Variants in TMEM43 observed in about 807,000 individuals in gnomAD.
TMEM43 encodes the protein arrhythmogenic right ventricular dysplasia 5.
In TMEM43, 45 loss-of-function variants were observed where a neutral mutation model predicts 49.6. The ratio of observed to expected loss-of-function variants is 0.91; its 90% confidence interval spans 0.71 to 1.16. TMEM43 has a LOEUF of 1.16. Among genes scored for constraint, TMEM43 ranks in the 50% most tolerant of loss-of-function variants. The pLI is 0.00. For missense variants in TMEM43, 532 were observed against 516.6 expected (o/e 1.03, Z -0.29); for synonymous variants, 199 against 207.8 (o/e 0.96, Z 0.36).
chr3:14,127,545 A>G (rs1695036231), intron 1 of TMEM43, among the ~76,000 whole-genome samples: 2 of 152,192 alleles, frequency 1.3e-5, no homozygotes, highest in Admixed American at 1.3e-4. Flanking sequence ...TCTTCCTCTT[A>G]GAAGCTGTGT....
chr3:14,130,319 C>G (rs1350266161), intron 2 of TMEM43, among the ~76,000 whole-genome samples: 2 of 151,998 alleles, frequency 1.3e-5, no homozygotes, highest in African/African-American at 4.8e-5. Context: ...CAGATAGACT[C>G]AGGTAAACCA....
At chr3:14,134,597 T>C (rs1201060482) in intron 7 of TMEM43, among the ~76,000 whole-genome samples, 173 bp from the exon 8 acceptor site, 2 of 152,138 alleles carry the variant, frequency 1.3e-5, no homozygotes, top group Admixed American at 6.5e-5. Flanking sequence ...CTGGAGGAGA[T>C]GGTCTAACCC....
Position 14,141,788 on chromosome 3 carries a change from T to G in TMEM43, c.1196T>G (p.Leu399Trp), listed in dbSNP as rs1559363776. The change falls in exon 12 of 12, where the codon TTG becomes TGG. Residue 399 changes from leucine (L) to tryptophan (W), a missense_variant. Leu to Trp is a moderately conservative substitution (Grantham distance 61). Transcript: ENST00000306077. ...CGGACACGGGTGCCAGCCAAAAAGT[T>G]GGAGTGAAAAGACCCTGGCACCCGC... ...VARTRVPAKK[L>W]E The G allele has an allele frequency of 6.2e-7, 1 of 1,613,364 alleles. No individual in the cohort carries two copies.
intron 1 of TMEM43, 53 bp from the exon 2 acceptor site, chr3:14,129,359 T>C: frequency 7.2e-7 from 1 of 1,386,940 alleles, no homozygotes; most frequent in Non-Finnish European, 9.8e-7. Flanking sequence ...ATAGCAAATT[T>C]AATTTATTTT....
At chr3:14,139,134 G>A (rs746949876) in intron 10 of TMEM43, 46 bp from the exon 11 acceptor site, 19 of 1,420,312 alleles carry the variant, frequency 1.3e-5, no homozygotes, top group East Asian at 2.3e-5. Context: ...GACTGGGTAC[G>A]CCACTGGCCC....
intron 2 of TMEM43, 87 bp from the exon 3 acceptor site, chr3:14,130,735 C>G: frequency 6.6e-7 from 1 of 1,515,238 alleles, no homozygotes; most frequent in Non-Finnish European, 8.9e-7. Flanking sequence ...TCCCGGAGGC[C>G]CCATCCTACC....
chr3:14,140,668 T>C (rs993158273), intron 11 of TMEM43, among the ~76,000 whole-genome samples: 2 of 152,284 alleles, frequency 1.3e-5, no homozygotes, highest in Admixed American at 6.5e-5. Flanking sequence ...AGTGACCCTG[T>C]GGGTAAAATG....
chr3:14,128,489 CCTT>C (rs1457531037), intron 1 of TMEM43, among the ~76,000 whole-genome samples: 1 of 152,182 alleles, frequency 6.6e-6, no homozygotes, highest in Admixed American at 6.5e-5. Flanking sequence ...AAGGGAGCCT[CCTT>C]GATACCCCAG....
At chr3:14,131,922 C>G (rs991166607) in intron 4 of TMEM43, among the ~76,000 whole-genome samples, 1 of 152,198 alleles carries the variant, frequency 6.6e-6, no homozygotes, top group Non-Finnish European at 1.5e-5. Flanking sequence ...TCCAGAGATG[C>G]ACAAGCTTGA....
intron 1 of TMEM43, chr3:14,129,113 C>T (rs140043814): frequency 9.9e-6 from 4 of 403,062 alleles, no homozygotes; most frequent in Admixed American, 3.1e-5. Context: ...TCAGATTCTC[C>T]CCATCCCCAC....
chr3:14,125,321 C>T, intron 1 of TMEM43, 116 bp downstream of exon 1: 8 of 1,270,332 alleles, frequency 6.3e-6, no homozygotes, highest in Non-Finnish European at 6.6e-6. Flanking sequence ...CGGCTAGGCC[C>T]GCATCTCCCT....
chr3:14,132,161 C>T (rs1001051157), intron 4 of TMEM43, among the ~76,000 whole-genome samples: 7 of 152,204 alleles, frequency 4.6e-5, no homozygotes, highest in Admixed American at 2.0e-4. Flanking sequence ...ATCATATGGA[C>T]TGTGACCGAC....
At chr3:14,136,068 C>T (rs995417361) in intron 10 of TMEM43, 160 bp downstream of exon 10, 1 of 746,506 alleles carries the variant, frequency 1.3e-6, no homozygotes, top group African/African-American at 1.7e-5. Flanking sequence ...AAGTGTTTGA[C>T]CAGGAGTGTT....
intron 10 of TMEM43, chr3:14,138,065 C>T (rs1330251681): frequency 2.6e-5 from 4 of 152,146 alleles, no homozygotes; most frequent in South Asian, 2.1e-4. Context: ...ATAAATGTGA[C>T]CTGTTTTTGT....
At chr3:14,133,701 ACC>A (rs1264821987) in intron 6 of TMEM43, 36 bp from the exon 7 acceptor site, 6 of 1,603,114 alleles carry the variant, frequency 3.7e-6, no homozygotes, top group Non-Finnish European at 4.3e-6. Context: ...CAGCTCCCAC[ACC>A]GGTGCCCATC....
At chr3:14,128,014 C>G (rs1206000702) in intron 1 of TMEM43, among the ~76,000 whole-genome samples, 1 of 152,150 alleles carries the variant, frequency 6.6e-6, no homozygotes, top group African/African-American at 2.4e-5. Flanking sequence ...CTAGCTAACA[C>G]GTGTCCAGTG....
intron 4 of TMEM43, 66 bp downstream of exon 4, chr3:14,131,740 A>G (rs1053014241): frequency 8.7e-7 from 1 of 1,155,606 alleles, no homozygotes; most frequent in South Asian, 1.3e-5. Flanking sequence ...TCAGGATAAC[A>G]TGCAGATGTC....
intron 6 of TMEM43, 50 bp downstream of exon 6, chr3:14,132,985 T>A: frequency 7.0e-7 from 1 of 1,436,740 alleles, no homozygotes; most frequent in Non-Finnish European, 9.8e-7. Flanking sequence ...CACTGGCAGG[T>A]CTCCAGCCTC....
chr3:14,132,516 A>G (rs1553603020), intron 4 of TMEM43, 30 bp from the exon 5 acceptor site: 1 of 1,613,876 alleles, frequency 6.2e-7, no homozygotes, highest in South Asian at 1.1e-5. Flanking sequence ...GACGAGGCTA[A>G]CCCCCGTGGC....
Sources: allele counts gnomAD v4.1 joint callset (sites outside exome capture counted in the v4.1 genomes callset), GRCh38; gene constraint gnomAD v4.1.1; transcripts MANE v1.5; gene names NCBI Gene and HGNC (gene_info 2026-07-23, HGNC 2026-07-21).